Variants in LPP observed in about 807,000 individuals in gnomAD.
The protein encoded by LPP is lipoma-preferred partner.
A neutral mutation model predicts 60.4 loss-of-function variants in LPP; 38 were observed. That is an observed-to-expected ratio of 0.63 (90% confidence interval 0.49 to 0.83). LPP has a LOEUF of 0.83. Ranked by LOEUF, LPP falls within the 40% of genes least tolerant of loss-of-function variation. LPP has a pLI of 0.00. For synonymous variants in LPP, 328 were observed against 290.8 expected, an observed-to-expected ratio of 1.13 and a Z score of -1.30; for missense variants, 902 against 783.6, an observed-to-expected ratio of 1.15 and a Z score of -1.80.
At chr3:188,407,296 G>A (rs1292024183) in intron 4 of LPP, among the ~76,000 whole-genome samples, 1 of 152,184 alleles carries the variant, frequency 6.6e-6, no homozygotes, top group Admixed American at 6.5e-5. Context: ...CTGTGATATA[G>A]TCCAGTCCTC....
intron 8 of LPP, among the ~76,000 whole-genome samples, chr3:188,722,375 G>A (rs969360505): frequency 6.6e-6 from 1 of 152,100 alleles, no homozygotes; most frequent in Non-Finnish European, 1.5e-5. Context: ...AACCATCAAC[G>A]GAGCAATAGT....
chr3:188,484,498 C>A, intron 4 of LPP, 94 bp from the exon 5 acceptor site: 3 of 847,348 alleles, frequency 3.5e-6, no homozygotes, highest in Admixed American at 4.0e-5. Flanking sequence ...TGTGTCAAAG[C>A]CAATTATAAA....
At chr3:188,838,777 G>A (rs1759149555) in intron 9 of LPP, among the ~76,000 whole-genome samples, 3 of 152,102 alleles carry the variant, frequency 2.0e-5, no homozygotes, top group South Asian at 4.2e-4. Context: ...AACACCACAT[G>A]TTCTCACTCA....
At chr3:188,274,993 T>C (rs1739154860) in intron 2 of LPP, among the ~76,000 whole-genome samples, 1 of 152,208 alleles carries the variant, frequency 6.6e-6, no homozygotes, top group Admixed American at 6.5e-5. Flanking sequence ...GTAAGCCTAA[T>C]TCAGTGCTTA....
chr3:188,455,891 A>AT (rs370305213), intron 4 of LPP, among the ~76,000 whole-genome samples: 63 of 152,092 alleles, frequency 4.1e-4, no homozygotes, highest in African/African-American at 1.3e-3. Context: ...TTAAAAAAAA[A>AT]TTTTTTTATT....
intron 4 of LPP, among the ~76,000 whole-genome samples, chr3:188,440,217 G>C (rs1481671974): frequency 6.6e-6 from 1 of 152,102 alleles, no homozygotes; most frequent in East Asian, 1.9e-4. Context: ...TAGTATGTTT[G>C]GTAAATGCTA....
intron 8 of LPP, among the ~76,000 whole-genome samples, chr3:188,736,391 A>G (rs966712196): frequency 3.3e-5 from 5 of 152,206 alleles, no homozygotes; most frequent in African/African-American, 9.6e-5. Flanking sequence ...AGGAATGTAA[A>G]TAATTCTTAA....
In LPP at chr3:188,805,399, T is replaced by G. The variant is rs1332864898; in HGVS notation, c.1410+45117T>G. ...CAGTTTGCATCTCTTAGAAAATTGG[T>G]CCATTTAATCTCATTTTAATGTCTG... On this transcript the variant is annotated intron_variant, in intron 9 of 11. Coordinates refer to ENST00000617246, the MANE Select transcript of LPP (RefSeq NM_001375462.1). Among the ~76,000 whole-genome samples the G allele has an allele frequency of 2.6e-5, 4 of 152,084 alleles. No homozygotes were observed. In the East Asian group the frequency reaches 7.7e-4, roughly 29 times the overall value.
chr3:188,805,459 A>G (rs1434912460), intron 9 of LPP, among the ~76,000 whole-genome samples: 1 of 151,538 alleles, frequency 6.6e-6, no homozygotes, highest in Non-Finnish European at 1.5e-5. Flanking sequence ...CTCATTCATG[A>G]TATTTATAAT....
chr3:188,461,794 G>A (rs1799022399), intron 4 of LPP, among the ~76,000 whole-genome samples: 1 of 152,024 alleles, frequency 6.6e-6, no homozygotes, highest in Non-Finnish European at 1.5e-5. Flanking sequence ...AGGTTTTAAG[G>A]GAATTTTGCT....
chr3:188,497,765 C>G (rs1810670956), intron 5 of LPP, among the ~76,000 whole-genome samples: 1 of 152,226 alleles, frequency 6.6e-6, no homozygotes, highest in East Asian at 1.9e-4. Context: ...TTATATCAAG[C>G]CATTTTATAA....
At chr3:188,308,151 C>G (rs67372903) in intron 2 of LPP, among the ~76,000 whole-genome samples, 27,806 of 152,040 alleles carry the variant, frequency 0.18, 2,882 homozygotes, top group East Asian at 0.32. Context: ...TCTTCTCTTT[C>G]TAGGAAAGCC....
At chr3:188,620,535 A>T (rs1257145359) in intron 7 of LPP, among the ~76,000 whole-genome samples, 1 of 152,178 alleles carries the variant, frequency 6.6e-6, no homozygotes, top group Non-Finnish European at 1.5e-5. Flanking sequence ...GTATGAATAC[A>T]TCACATTATA....
intron 4 of LPP, among the ~76,000 whole-genome samples, chr3:188,431,818 T>C (rs548672460): frequency 1.3e-5 from 2 of 152,284 alleles, no homozygotes; most frequent in South Asian, 4.1e-4. Context: ...TTGCATAAAA[T>C]TGGTTACTCC....
chr3:188,815,584 C>T (rs1421618114), intron 9 of LPP, among the ~76,000 whole-genome samples: 2 of 151,298 alleles, frequency 1.3e-5, no homozygotes, highest in Non-Finnish European at 2.9e-5. Context: ...GACTCTTACG[C>T]TTAGGCAAGA....
chr3:188,398,241 G>A (rs1781421399), intron 3 of LPP, among the ~76,000 whole-genome samples: 1 of 152,168 alleles, frequency 6.6e-6, no homozygotes, highest in Non-Finnish European at 1.5e-5. Flanking sequence ...AAACATGAGA[G>A]TTAGAGGGAA....
chr3:188,448,405 TAAAG>T (rs1157619469), intron 4 of LPP, among the ~76,000 whole-genome samples: 3 of 19,392 alleles, frequency 1.5e-4, no homozygotes, highest in East Asian at 2.1e-3. Context: ...TATATTTAGA[TAAAG>T]ATATCTATAT....
intron 4 of LPP, among the ~76,000 whole-genome samples, chr3:188,412,900 A>C (rs1329564480): frequency 6.6e-6 from 1 of 152,154 alleles, no homozygotes; most frequent in Non-Finnish European, 1.5e-5. Flanking sequence ...GGAAACAGTT[A>C]TAGATGATTG....
intron 4 of LPP, among the ~76,000 whole-genome samples, chr3:188,458,836 T>G (rs1304937243): frequency 1.3e-5 from 2 of 152,012 alleles, no homozygotes; most frequent in Non-Finnish European, 2.9e-5. Flanking sequence ...GAATGCAGTG[T>G]GGGTTTTTTT....
Sources: gnomAD v4.1 joint callset for allele counts (sites outside exome capture counted in the v4.1 genomes callset) on GRCh38, gnomAD v4.1.1 for gene constraint, MANE v1.5 for transcripts, NCBI Gene and HGNC (gene_info 2026-07-23, HGNC 2026-07-21) for gene names.